Variants in LRRC7 observed in about 807,000 individuals in gnomAD.
LRRC7 encodes leucine-rich repeat-containing protein 7.
LRRC7 carries 23 observed loss-of-function variants against 175.7 expected under a neutral mutation model. That is an observed-to-expected ratio of 0.13 (90% CI 0.09 to 0.19). The LOEUF (loss-of-function observed/expected upper bound fraction) is 0.19, where lower values mean the gene tolerates loss of function less well. Ranked by LOEUF, LRRC7 falls within the 10% of genes least tolerant of loss-of-function variation. The probability of loss-of-function intolerance (pLI) is 1.00; values close to 1 mark genes in which losing one functional copy is unlikely to be tolerated. For missense variants in LRRC7, 1,354 were observed against 1,904.7 expected (o/e 0.71, Z 5.38); for synonymous variants, 685 against 680.9 (o/e 1.01, Z -0.09).
At chr1:69,642,992 C>T (rs1449413408) in intron 1 of LRRC7, among the ~76,000 whole-genome samples, 2 of 152,034 alleles carry the variant, frequency 1.3e-5, no homozygotes, top group Non-Finnish European at 2.9e-5. Context: ...GAATTAGAAC[C>T]AGGGGAGCTG....
chr1:69,621,509 T>G (rs955263429), intron 1 of LRRC7, among the ~76,000 whole-genome samples: 1 of 152,204 alleles, frequency 6.6e-6, no homozygotes, highest in African/African-American at 2.4e-5. Flanking sequence ...TTGACTCAGA[T>G]GCATATAGGA....
In LRRC7 at chr1:69,721,889, C is replaced by T. The variant is rs184358532; in HGVS notation, c.101-38302C>T. ...ACATAAAATACAATTTACCATTTAA[C>T]CTTTTTTTAAGTGTATACTTCAGTG... On this transcript the variant is annotated intron_variant, in intron 2 of 26. Transcript: ENST00000651989. Among the ~76,000 whole-genome samples, 1,073 of 151,850 alleles carry T rather than the reference C, an allele frequency of 7.1e-3. 18 individuals carry two copies. The highest frequency in any genetic ancestry group is 0.024 in the African/African-American group (1,010 of 41,514).
At chr1:69,758,277 G>T (rs1172425665) in intron 2 of LRRC7, among the ~76,000 whole-genome samples, 1 of 152,028 alleles carries the variant, frequency 6.6e-6, no homozygotes, top group Non-Finnish European at 1.5e-5. Context: ...AGGAGTTGGA[G>T]AGACAGAAAG....
At chr1:70,101,147 A>G (rs1664777478) in intron 25 of LRRC7, among the ~76,000 whole-genome samples, 1 of 152,140 alleles carries the variant, frequency 6.6e-6, no homozygotes, top group South Asian at 2.1e-4. Flanking sequence ...TTTAGAAAAA[A>G]AGTTTCCCCC....
chr1:69,615,892 C>A (rs765304946), intron 1 of LRRC7, among the ~76,000 whole-genome samples: 1 of 151,968 alleles, frequency 6.6e-6, no homozygotes, highest in East Asian at 1.9e-4. Context: ...TATGGCTAAA[C>A]CCCCCACTTA....
chr1:69,771,192 T>C (rs1300516523), intron 3 of LRRC7, among the ~76,000 whole-genome samples: 1 of 152,220 alleles, frequency 6.6e-6, no homozygotes, highest in Non-Finnish European at 1.5e-5. Flanking sequence ...TTTAAATGAA[T>C]GCCATTATTT....
intron 7 of LRRC7, among the ~76,000 whole-genome samples, chr1:69,878,921 A>G (rs1416747229): frequency 6.7e-6 from 1 of 148,596 alleles, no homozygotes; most frequent in Non-Finnish European, 1.5e-5. Context: ...ATTTATATAT[A>G]TGGTGTACAT....
At chr1:70,067,199 T>C (rs1662042440) in intron 23 of LRRC7, among the ~76,000 whole-genome samples, 1 of 152,124 alleles carries the variant, frequency 6.6e-6, no homozygotes, top group Admixed American at 6.6e-5. Context: ...CTCTATCAGA[T>C]ACATGATTTA....
intron 25 of LRRC7, among the ~76,000 whole-genome samples, chr1:70,104,657 A>G (rs1665024860): frequency 6.6e-6 from 1 of 152,188 alleles, no homozygotes; most frequent in Non-Finnish European, 1.5e-5. Flanking sequence ...AAAGCAATAC[A>G]TGCTTTGGAA....
At position 69,954,690 on chromosome 1, in the gene LRRC7, T is replaced by C. The variant is rs548437971; in HGVS notation, c.711+23120T>C. Among the ~76,000 whole-genome samples the C allele has an allele frequency of 7.2e-5, 11 of 152,140 alleles. No homozygotes were observed. The East Asian group carries it at 2.1e-3, about 29-fold the overall frequency. ...TTCAAATATAAGATAACCACAATAA[T>C]TATAAAGAAAAACTGTTTTTTTAAG... On this transcript the variant is annotated intron_variant, in intron 8 of 26. Coordinates refer to ENST00000651989, the MANE Select transcript of LRRC7 (RefSeq NM_001370785.2).
chr1:69,749,130 T>G (rs1006562067), intron 2 of LRRC7, among the ~76,000 whole-genome samples: 1 of 152,198 alleles, frequency 6.6e-6, no homozygotes, highest in Non-Finnish European at 1.5e-5. Context: ...TATTTGCATA[T>G]TTAAATAAGT....
intron 7 of LRRC7, chr1:69,920,368 T>C (rs1646855320): frequency 6.6e-6 from 1 of 151,814 alleles, no homozygotes; most frequent in Admixed American, 6.6e-5. Flanking sequence ...CATGCTCTGT[T>C]TTGGAAAATA....
rs889034921 is a variant in LRRC7, at chr1:69,895,245, T to A, written c.648-36262T>A. The stretch of plus-strand genomic sequence containing the variant: ...GAAACTCCATCTCAAAAAAAACAAT[T>A]ATTAAGAAGGTGGATCTCACGTTGA... On this transcript the variant is annotated intron_variant, in intron 7 of 26. Coordinates refer to ENST00000651989, the MANE Select transcript of LRRC7 (RefSeq NM_001370785.2). Among the ~76,000 whole-genome samples, 5 of 151,848 alleles carry A rather than the reference T, an allele frequency of 3.3e-5. No homozygotes were observed. In the South Asian group the frequency reaches 6.2e-4, roughly 19 times the overall value.
At chr1:69,590,090 G>T (rs148433731) in intron 1 of LRRC7, among the ~76,000 whole-genome samples, 1 of 152,214 alleles carries the variant, frequency 6.6e-6, no homozygotes, top group African/African-American at 2.4e-5. Flanking sequence ...TATTATCCAT[G>T]AAATATCTAC....
intron 1 of LRRC7, among the ~76,000 whole-genome samples, chr1:69,630,459 C>T (rs1277122464): frequency 6.6e-6 from 1 of 152,132 alleles, no homozygotes; most frequent in African/African-American, 2.4e-5. Context: ...ATTGCCAGCC[C>T]ATCTACAGTC....
rs765943280 is a variant in LRRC7, at chr1:70,039,367, C to T, written c.3543C>T (p.Tyr1181=). 3.8e-5 allele frequency: 61 copies of T among 1,613,878 alleles called. No homozygotes were observed. The highest frequency in any genetic ancestry group is 1.6e-4 in the Middle Eastern group (1 of 6,084). Residue 1181 remains tyrosine (Y), a synonymous_variant, in exon 21 of 27, where the codon TAC becomes TAT. Coordinates refer to ENST00000651989, the MANE Select transcript of LRRC7 (RefSeq NM_001370785.2). The part of the protein sequence containing the change: ...EPHELPPTDR[Y]GRPPYRGGLD... ...ATGAGCTGCCCCCAACTGATAGGTACGGCAGACCCCCATATAGGGGAGGGC... is the reference window on the plus strand; with the variant it reads ...ATGAGCTGCCCCCAACTGATAGGTATGGCAGACCCCCATATAGGGGAGGGC...
chr1:69,983,088 T>C (rs1653597641), intron 9 of LRRC7, among the ~76,000 whole-genome samples: 1 of 152,182 alleles, frequency 6.6e-6, no homozygotes, highest in South Asian at 2.1e-4. Context: ...CTTTCATTGC[T>C]CAATGGAAAA....
rs367732256 is a variant in LRRC7 at position 69,858,149 on chromosome 1, A to G, written c.647+19866A>G. ...AGACTTAAATGTTAGACCTAAAACCATAAAAACCCTAGAAGAAAACCTAGG... is the reference window on the plus strand; with the variant it reads ...AGACTTAAATGTTAGACCTAAAACCGTAAAAACCCTAGAAGAAAACCTAGG... On this transcript the variant is annotated intron_variant, in intron 7 of 26. Transcript: ENST00000651989. Among the ~76,000 whole-genome samples, 24 of 152,338 alleles carry G rather than the reference A, an allele frequency of 1.6e-4. No homozygotes were observed. In the East Asian group the frequency reaches 4.2e-3, roughly 27 times the overall value.
intron 7 of LRRC7, among the ~76,000 whole-genome samples, chr1:69,880,617 C>T (rs1346492912): frequency 6.6e-6 from 1 of 151,922 alleles, no homozygotes; most frequent in Non-Finnish European, 1.5e-5. Context: ...ATACGAAGGA[C>T]AGGGAGACCA....
Sources: gnomAD v4.1 joint callset for allele counts (sites outside exome capture counted in the v4.1 genomes callset) on GRCh38, gnomAD v4.1.1 for gene constraint, MANE v1.5 for transcripts, NCBI Gene and HGNC (gene_info 2026-07-23, HGNC 2026-07-21) for gene names.